Variants in DCSTAMP observed in about 807,000 individuals in gnomAD.
DCSTAMP encodes the protein dendrocyte expressed seven transmembrane protein.
DCSTAMP carries 25 observed loss-of-function variants against 33.8 expected under a neutral mutation model. The ratio of observed to expected loss-of-function variants is 0.74; its 90% CI spans 0.54 to 1.03. DCSTAMP has a LOEUF of 1.03. DCSTAMP is among the 50% of genes least tolerant of loss of function. The pLI, the probability that DCSTAMP is intolerant of heterozygous loss-of-function variation, is 0.00. For synonymous variants in DCSTAMP, 245 were observed against 216.7 expected, an observed-to-expected ratio of 1.13 and a Z score of -1.15; for missense variants, 531 against 556.8, an observed-to-expected ratio of 0.95 and a Z score of 0.47.
intron 1 of DCSTAMP, among the ~76,000 whole-genome samples, 176 bp from the exon 2 acceptor site, chr8:104,348,359 GACCTCA>G (rs1426252056): frequency 6.6e-6 from 1 of 152,124 alleles, no homozygotes; most frequent in East Asian, 1.9e-4. Flanking sequence ...TGGAGGAATA[GACCTCA>G]ACTCTTGGTG....
At chr8:104,340,612 C>A (rs974701816) in intron 1 of DCSTAMP, among the ~76,000 whole-genome samples, 1 of 152,236 alleles carries the variant, frequency 6.6e-6, no homozygotes, top group Non-Finnish European at 1.5e-5. Context: ...CTGCACCTTT[C>A]ATTTCAGAGA....
intron 3 of DCSTAMP, among the ~76,000 whole-genome samples, chr8:104,355,537 G>C (rs1934629169): frequency 6.6e-6 from 1 of 152,098 alleles, no homozygotes; most frequent in South Asian, 2.1e-4. Flanking sequence ...ACAGGGAAAT[G>C]TCTACTATAG....
chr8:104,341,451 C>A (rs2099382826), intron 1 of DCSTAMP, among the ~76,000 whole-genome samples: 2 of 152,204 alleles, frequency 1.3e-5, no homozygotes, highest in Admixed American at 1.3e-4. Flanking sequence ...GGCTGTGAGC[C>A]CTGTGCCCTC....
At chr8:104,354,442 G>T (rs994700468) in intron 2 of DCSTAMP, among the ~76,000 whole-genome samples, 1 of 152,006 alleles carries the variant, frequency 6.6e-6, no homozygotes, top group Non-Finnish European at 1.5e-5. Flanking sequence ...TCTTTCTTTC[G>T]CCCCATGTGT....
chr8:104,352,357 G>A (rs1012860747), intron 2 of DCSTAMP, among the ~76,000 whole-genome samples: 1 of 152,172 alleles, frequency 6.6e-6, no homozygotes, highest in Non-Finnish European at 1.5e-5. Context: ...TTTGGAGCAG[G>A]GTGGATAATG....
chr8:104,342,396 G>T (rs770431624), intron 1 of DCSTAMP, among the ~76,000 whole-genome samples: 1 of 152,210 alleles, frequency 6.6e-6, no homozygotes, highest in Non-Finnish European at 1.5e-5. Context: ...AGAACCAGAA[G>T]ATGTCACCCA....
rs1176701729 is a variant in DCSTAMP at position 104,349,237 on chromosome 8, C to T, written c.685C>T (p.Leu229Phe). ...GLSLVLLGTG[L>F]FMKRFLGPCG... ...TTCGCTCGTCCTGCTTGGCACTGGC[C>T]TCTTCATGAAGCGATTTTTGGGCCC... The change falls in exon 2 of 4, where the codon CTC becomes TTC. Residue 229 changes from leucine (L) to phenylalanine (F), a missense_variant. Transcript: ENST00000297581. 4.3e-6 allele frequency: 7 copies of T among 1,614,200 alleles called. No individual in the cohort carries two copies. Among genetic ancestry groups the T allele is most frequent in the South Asian group, 1.1e-5 (1 of 91,086 alleles).
At position 104,356,569 on chromosome 8, in the gene DCSTAMP, A is replaced by G. The variant is rs1810630919; in HGVS notation, c.*371A>G. 6.5e-6 allele frequency: 1 copy of G among 154,888 alleles called. No individual in the cohort carries two copies. Among genetic ancestry groups the G allele is most frequent in the South Asian group, 2.0e-4 (1 of 4,908 alleles). 9.6% of individuals were successfully genotyped at this position (154,888 alleles called of 1,614,324 possible). On this transcript the variant is annotated 3_prime_UTR_variant, in exon 4 of 4. Coordinates refer to ENST00000297581, the MANE Select transcript of DCSTAMP (RefSeq NM_030788.4). Reference sequence around the variant, plus strand: ...CAAGCAAATGCTAAGGGGAACATACATGTAAAAAGCCAGCAAACTATCTTC... The same window carrying G: ...CAAGCAAATGCTAAGGGGAACATACGTGTAAAAAGCCAGCAAACTATCTTC...
chr8:104,349,918 C>T lies in DCSTAMP; in HGVS notation c.1029+337C>T, dbSNP rs568245783. 2.9e-3 allele frequency among the ~76,000 whole-genome samples: 447 copies of T among 152,210 alleles called. 1 individual carries two copies. The highest frequency in any genetic ancestry group is 0.01 in the African/African-American group (423 of 41,530). ...TGGCCTGAAATCCAGGTGCTGTTGC[C>T]GCTCTTTGCATCTTCCAGATTCTAG... On this transcript the variant is annotated intron_variant, in intron 2 of 3. Coordinates refer to ENST00000297581, the MANE Select transcript of DCSTAMP (RefSeq NM_030788.4).
chr8:104,349,133 T>C lies in DCSTAMP; in HGVS notation c.581T>C (p.Leu194Pro). The C allele has an allele frequency of 6.2e-7, 1 of 1,614,086 alleles. No individual in the cohort carries two copies. Among genetic ancestry groups the C allele is most frequent in the East Asian group, 2.2e-5 (1 of 44,896 alleles). Reference sequence around the variant, plus strand: ...CTAAATGACAGCAAAGGGGAAGTCCTGAGCGTCTTGTACCAGATGGCAACA... The same window carrying C: ...CTAAATGACAGCAAAGGGGAAGTCCCGAGCGTCTTGTACCAGATGGCAACA... ...AQLNDSKGEV[L>P]SVLYQMATTT... Residue 194 changes from leucine to proline, a missense_variant, in exon 2 of 4, where the codon CTG (leucine) becomes CCG (proline). Leu to Pro is a moderately conservative substitution (Grantham distance 98). Transcript: ENST00000297581.
Position 104,349,191 on chromosome 8 carries a change from G to A in DCSTAMP, c.639G>A (p.Lys213=), listed in dbSNP as rs752249205. 8 of 1,614,226 alleles carry A rather than the reference G, an allele frequency of 5.0e-6. No homozygotes were observed. In the South Asian group the frequency reaches 6.6e-5, roughly 13 times the overall value. The change falls in exon 2 of 4, where the codon AAG becomes AAA. Residue 213 remains lysine (K), a synonymous_variant. Transcript: ENST00000297581. ...AGGTGTTGTCCTCCCTGGGTCAGAA[G>A]CTACTTGCCTTTGCAGGGCTTTCGC... is the stretch of plus-strand genomic sequence containing the variant. The part of the protein sequence containing the change: ...TTEVLSSLGQ[K]LLAFAGLSLV...
In DCSTAMP at chr8:104,347,637, G is replaced by A. The variant is rs544468141; in HGVS notation, c.-12-904G>A. ...GTGTCTGTGGTCAGCCGGTGGGCCG[G>A]CTGAGAACCAGCTGGTCTAGGATGG... On this transcript the variant is annotated intron_variant, in intron 1 of 3. Transcript: ENST00000297581. Among the ~76,000 whole-genome samples the A allele has an allele frequency of 1.1e-4, 17 of 152,258 alleles. No homozygotes were observed. In the East Asian group the frequency reaches 2.9e-3, roughly 26 times the overall value.
chr8:104,347,972 CA>C (rs1352708540), intron 1 of DCSTAMP, among the ~76,000 whole-genome samples: 1 of 152,054 alleles, frequency 6.6e-6, no homozygotes, highest in East Asian at 1.9e-4. Context: ...AGGATAAAAG[CA>C]GAGGGAAGAT....
chr8:104,340,797 T>C (rs886316467), intron 1 of DCSTAMP, among the ~76,000 whole-genome samples: 10 of 152,182 alleles, frequency 6.6e-5, no homozygotes, highest in Non-Finnish European at 1.5e-4. Context: ...AAATTCCTTT[T>C]AAAATGAGAT....
Position 104,355,034 on chromosome 8 carries a change from T to C in DCSTAMP, c.1187T>C (p.Ile396Thr). 1 of 1,614,166 alleles carries C rather than the reference T, an allele frequency of 6.2e-7. No homozygotes were observed. Among genetic ancestry groups the C allele is most frequent in the Non-Finnish European group, 8.5e-7 (1 of 1,180,018 alleles). ...GTGATGCTGGGACTGTTGTCCTCTATCCTTATGCAACTTAAAATCCTGGTG... is the reference window on the plus strand; with the variant it reads ...GTGATGCTGGGACTGTTGTCCTCTACCCTTATGCAACTTAAAATCCTGGTG... Reference protein sequence around the residue: ...ILVMLGLLSSILMQLKILVSA... With the variant: ...ILVMLGLLSSTLMQLKILVSA... The change falls in exon 3 of 4, where the codon ATC becomes ACC. Residue 396 changes from isoleucine (I) to threonine (T), a missense_variant. By Grantham distance (89) the Ile-to-Thr change is moderately conservative (BLOSUM62 -1). Transcript: ENST00000297581.
At chr8:104,344,481 G>T (rs1279332497) in intron 1 of DCSTAMP, among the ~76,000 whole-genome samples, 1 of 152,150 alleles carries the variant, frequency 6.6e-6, no homozygotes, top group Non-Finnish European at 1.5e-5. Flanking sequence ...ATCACAGACA[G>T]TTCTATCCAA....
chr8:104,354,354 G>A (rs371716409), intron 2 of DCSTAMP, among the ~76,000 whole-genome samples: 3 of 152,122 alleles, frequency 2.0e-5, no homozygotes, highest in South Asian at 2.1e-4. Context: ...TGCTTAAGGG[G>A]TATTGGGAGG....
chr8:104,350,875 T>C (rs1011361802), intron 2 of DCSTAMP, among the ~76,000 whole-genome samples: 2 of 152,190 alleles, frequency 1.3e-5, no homozygotes, highest in Admixed American at 6.5e-5. Context: ...TCTGTTTTAA[T>C]TGGACTGCGG....
intron 1 of DCSTAMP, among the ~76,000 whole-genome samples, chr8:104,345,013 C>G (rs1810263772): frequency 6.6e-6 from 1 of 151,926 alleles, no homozygotes; most frequent in Non-Finnish European, 1.5e-5. Flanking sequence ...TCAGGCTGGT[C>G]TCAAACTCCT....
Sources: gnomAD v4.1 joint callset for allele counts (sites outside exome capture counted in the v4.1 genomes callset) on GRCh38, gnomAD v4.1.1 for gene constraint, MANE v1.5 for transcripts, NCBI Gene and HGNC (gene_info 2026-07-23, HGNC 2026-07-21) for gene names.